The following ACYP2 variants were observed in gnomAD, a reference collection of about 807,000 sequenced individuals.
ACYP2 encodes the protein acylphosphatase 2, also known as acylphosphatase-2.
A neutral mutation model predicts 11.2 loss-of-function variants in ACYP2; 12 were observed. The observed-to-expected ratio is 1.08, with a 90% CI of 0.69 to 1.74. ACYP2 has a LOEUF of 1.74. Among genes scored for constraint, ACYP2 ranks in the 40% most tolerant of loss-of-function variants. The pLI is 0.00. For missense variants in ACYP2, 134 were observed against 101.9 expected (o/e 1.31, Z -1.35); for synonymous variants, 43 against 32.2 (o/e 1.33, Z -1.13).
At chr2:54,102,040 A>G (rs1678923261) in intron 4 of ACYP2, among the ~76,000 whole-genome samples, 1 of 152,206 alleles carries the variant, frequency 6.6e-6, no homozygotes, top group Non-Finnish European at 1.5e-5. Context: ...ATTATACAGA[A>G]TAGTTCCTCT....
chr2:54,098,040 G>A (rs1440291505), intron 4 of ACYP2, among the ~76,000 whole-genome samples: 1 of 147,368 alleles, frequency 6.8e-6, no homozygotes, highest in African/African-American at 2.5e-5. Flanking sequence ...TTAGCTCACT[G>A]CAATCTCCAC....
chr2:54,159,625 G>C (rs1007287535), intron 6 of ACYP2, among the ~76,000 whole-genome samples: 4 of 152,146 alleles, frequency 2.6e-5, no homozygotes, highest in African/African-American at 9.7e-5. Flanking sequence ...GATGATTAAA[G>C]GGGTTGTGAA....
intron 6 of ACYP2, among the ~76,000 whole-genome samples, chr2:54,230,531 TA>T (rs1686188485): frequency 6.6e-6 from 1 of 151,930 alleles, no homozygotes; most frequent in African/African-American, 2.4e-5. Context: ...CACACCCGGC[TA>T]ATTTTGTATT....
intron 4 of ACYP2, among the ~76,000 whole-genome samples, chr2:54,084,121 C>T (rs1031228499): frequency 6.6e-6 from 1 of 152,090 alleles, no homozygotes; most frequent in African/African-American, 2.4e-5. Flanking sequence ...CAGCTCCTTA[C>T]ATGGGCTTTG....
chr2:54,106,744 C>T (rs1157467359), intron 4 of ACYP2, among the ~76,000 whole-genome samples: 7 of 151,996 alleles, frequency 4.6e-5, no homozygotes, highest in South Asian at 2.1e-4. Context: ...CCACCAAGCC[C>T]GGCTAATTTT....
chr2:54,168,164 C>A (rs1016521563), intron 6 of ACYP2, among the ~76,000 whole-genome samples: 1 of 152,176 alleles, frequency 6.6e-6, no homozygotes, highest in Non-Finnish European at 1.5e-5. Flanking sequence ...GTGGCTCACA[C>A]CTGTAATCCC....
intron 6 of ACYP2, among the ~76,000 whole-genome samples, chr2:54,301,258 T>G (rs1689714815): frequency 1.3e-5 from 2 of 152,320 alleles, no homozygotes; most frequent in South Asian, 4.1e-4. Flanking sequence ...AGGCTTAAAT[T>G]GGCATTTCCC....
At chr2:54,270,424 T>C (rs987054924) in intron 6 of ACYP2, among the ~76,000 whole-genome samples, 1 of 152,170 alleles carries the variant, frequency 6.6e-6, no homozygotes. Context: ...TTTTGTGTTT[T>C]TTAGCCAGTT....
chr2:53,975,920 A>G (rs778482533), intron 2 of ACYP2, among the ~76,000 whole-genome samples: 24 of 152,226 alleles, frequency 1.6e-4, no homozygotes, highest in Non-Finnish European at 2.9e-4. Context: ...GAAACAGACT[A>G]TAATCACTCT....
intron 6 of ACYP2, among the ~76,000 whole-genome samples, chr2:54,152,555 C>G (rs1256427926): frequency 2.0e-5 from 3 of 152,204 alleles, no homozygotes; most frequent in Non-Finnish European, 2.9e-5. Context: ...ATTCATCCCT[C>G]CTTCTCTCCC....
chr2:54,257,021 A>G (rs1007730627), intron 6 of ACYP2, among the ~76,000 whole-genome samples: 2 of 152,128 alleles, frequency 1.3e-5, no homozygotes, highest in Admixed American at 1.3e-4. Context: ...TTTCATCTTA[A>G]TATGTGCCAA....
intron 6 of ACYP2, among the ~76,000 whole-genome samples, chr2:54,287,491 G>T (rs892369848): frequency 2.6e-5 from 4 of 152,006 alleles, no homozygotes; most frequent in African/African-American, 9.7e-5. Context: ...CTTAGTGACT[G>T]ACTTCAAACT....
intron 4 of ACYP2, among the ~76,000 whole-genome samples, chr2:54,117,461 A>ATTTTTAAAATTTTT (rs1427111409): frequency 6.6e-6 from 1 of 151,766 alleles, no homozygotes; most frequent in Non-Finnish European, 1.5e-5. Context: ...TGCATGACTA[A>ATTTTTAAAATTTTT]TTTTTAAAAT....
intron 2 of ACYP2, among the ~76,000 whole-genome samples, chr2:54,019,235 T>G (rs575435813): frequency 1.3e-4 from 20 of 151,236 alleles, no homozygotes; most frequent in African/African-American, 4.1e-4. Context: ...CTTGGCTAAT[T>G]TTTAAAAATA....
intron 6 of ACYP2, among the ~76,000 whole-genome samples, chr2:54,260,962 G>C (rs1057021656): frequency 6.6e-6 from 1 of 152,084 alleles, no homozygotes; most frequent in Non-Finnish European, 1.5e-5. Flanking sequence ...ATTGACAGGA[G>C]ACTCAAAGCT....
chr2:54,121,571 T>C (rs372565828), intron 4 of ACYP2, among the ~76,000 whole-genome samples: 1 of 152,214 alleles, frequency 6.6e-6, no homozygotes, highest in South Asian at 2.1e-4. Context: ...AGATAATGCA[T>C]GATTTAGAAG....
At chr2:54,124,386 G>C (rs993595433) in intron 4 of ACYP2, among the ~76,000 whole-genome samples, 1 of 152,040 alleles carries the variant, frequency 6.6e-6, no homozygotes, top group Admixed American at 6.5e-5. Flanking sequence ...AGTAGAGACG[G>C]GGTTTCTCCA....
At chr2:53,995,153 T>TAG (rs750609763) in intron 2 of ACYP2, among the ~76,000 whole-genome samples, 144 of 152,356 alleles carry the variant, frequency 9.5e-4, no homozygotes, top group Non-Finnish European at 1.6e-3. Flanking sequence ...GCTGCAGCTC[T>TAG]TCTCTCAGAG....
intron 4 of ACYP2, among the ~76,000 whole-genome samples, chr2:54,071,245 C>A (rs1451376733): frequency 6.6e-6 from 1 of 152,144 alleles, no homozygotes; most frequent in African/African-American, 2.4e-5. Flanking sequence ...GATATTTGCT[C>A]TCACGGCTTC....
Sources: allele counts gnomAD v4.1 joint callset (sites outside exome capture counted in the v4.1 genomes callset), GRCh38; gene constraint gnomAD v4.1.1; transcripts MANE v1.5; gene names NCBI Gene and HGNC (gene_info 2026-07-23, HGNC 2026-07-21).